The following SPC25 variants were observed in gnomAD, a reference collection of about 807,000 sequenced individuals.
SPC25 encodes the protein SPC25 component of NDC80 kinetochore complex.
A neutral mutation model predicts 29.6 loss-of-function variants in SPC25; 22 were observed. That is an observed-to-expected ratio of 0.74 (90% CI 0.53 to 1.06). The LOEUF is 1.06. Among genes scored for constraint, SPC25 ranks in the 50% least tolerant of loss-of-function variants. The probability of loss-of-function intolerance (pLI) is 0.00; values close to 1 mark genes in which losing one functional copy is unlikely to be tolerated. For missense variants in SPC25, 230 were observed against 255.8 expected, an observed-to-expected ratio of 0.90 and a Z score of 0.69; for synonymous variants, 91 against 90.4, an observed-to-expected ratio of 1.01 and a Z score of -0.04.
At chr2:168,877,098 C>T in intron 4 of SPC25, 140 bp downstream of exon 4, 1 of 793,664 alleles carries the variant, frequency 1.3e-6, no homozygotes, top group Non-Finnish European at 1.9e-6. Flanking sequence ...TGACATCTTG[C>T]AGAGATGAGT....
chr2:168,875,376 A>G (rs1394088594), intron 5 of SPC25, among the ~76,000 whole-genome samples: 4 of 152,218 alleles, frequency 2.6e-5, no homozygotes, highest in Admixed American at 6.6e-5. Context: ...TTGAACTATC[A>G]TAAGTCAGGG....
At chr2:168,870,104 G>A (rs28800777), downstream of SPC25, among the ~76,000 whole-genome samples, 44,627 of 149,952 alleles carry the variant, frequency 0.3, 7,057 homozygotes, top group East Asian at 0.55. Flanking sequence ...CAAGCAATGG[G>A]GAAAGGATTC....
intron 3 of SPC25, among the ~76,000 whole-genome samples, chr2:168,884,465 TAGA>T (rs1354380365): frequency 1.3e-5 from 2 of 152,246 alleles, no homozygotes; most frequent in Non-Finnish European, 1.5e-5. Flanking sequence ...AGTATCTTCC[TAGA>T]AGATTACCTG....
chr2:168,873,692 A>G lies in SPC25; in HGVS notation c.452-9T>C. 1.3e-6 allele frequency: 2 copies of G among 1,574,074 alleles called. No homozygotes were observed. The highest frequency in any genetic ancestry group is 1.7e-6 in the Non-Finnish European group (2 of 1,144,670). ...AAACTGCAATTTCTCACCTGAAAAGAGATTAAACTATTTAGTGTGTCAAAG... is the reference window on the plus strand; with the variant it reads ...AAACTGCAATTTCTCACCTGAAAAGGGATTAAACTATTTAGTGTGTCAAAG... On this transcript the variant is annotated splice_polypyrimidine_tract_variant and intron_variant, in intron 5 of 6. Transcript: ENST00000282074.
In SPC25 at chr2:168,876,117, C is replaced by T; in HGVS notation, c.406G>A (p.Asp136Asn). Reference protein sequence around the residue: ...ERLKRLQKSADLYKDRLGLEI... With the variant: ...ERLKRLQKSANLYKDRLGLEI... ...AGTCCAAGTCGATCTTTATACAAGT[C>T]TGCAGATTTCTGCAGCCTTTTCAAC... is the stretch of plus-strand genomic sequence containing the variant. Residue 136 changes from aspartate (D) to asparagine (N), a missense_variant, in exon 5 of 7, where the codon GAC becomes AAC. Physicochemically the swap from Asp to Asn is conservative, Grantham distance 23 (BLOSUM62 1). Transcript: ENST00000282074. 2 of 1,566,924 alleles carry T rather than the reference C, an allele frequency of 1.3e-6. No individual in the cohort carries two copies. Among genetic ancestry groups the T allele is most frequent in the Non-Finnish European group, 1.7e-6 (2 of 1,164,428 alleles).
In SPC25 at chr2:168,888,972, T is replaced by TATATATAC. The variant is rs572773262; in HGVS notation, c.199+253_199+254insGTATATAT. On this transcript the variant is annotated intron_variant, in intron 3 of 6. Transcript: ENST00000282074. ...GTGTGTGTGTGTATATATATATATA[T>TATATATAC]ACACACACACATATATATGTATATA... 4.6e-4 allele frequency among the ~76,000 whole-genome samples: 48 copies of TATATATAC among 103,256 alleles called. 2 individuals are homozygous for TATATATAC. The highest frequency in any genetic ancestry group is 1.6e-3 in the South Asian group (5 of 3,136). The allele number at this position is 103,256 out of a possible 152,430, so 67.7% of individuals were successfully genotyped here. A position where few individuals can be genotyped will look rare whatever the true frequency, so the allele number is the denominator to read the frequency against.
At chr2:168,863,919 T>A (rs1260782776) in intron 4 of SPC25, among the ~76,000 whole-genome samples, 1 of 150,226 alleles carries the variant, frequency 6.7e-6, no homozygotes, top group African/African-American at 2.4e-5. Context: ...CTTTTTTTAT[T>A]TTTTTTTTTG....
At chr2:168,876,510 A>G (rs1690089325) in intron 4 of SPC25, among the ~76,000 whole-genome samples, 1 of 152,018 alleles carries the variant, frequency 6.6e-6, no homozygotes, top group African/African-American at 2.4e-5. Flanking sequence ...TTTCTAGATA[A>G]CCAATTGCTT....
chr2:168,863,465 C>T (rs568811211), intron 4 of SPC25: 256 of 985,110 alleles, frequency 2.6e-4, no homozygotes, highest in Non-Finnish European at 2.8e-4. Flanking sequence ...TGGATCCTGA[C>T]GGGGGCAGAT....
downstream of SPC25, among the ~76,000 whole-genome samples, chr2:168,869,533 A>C (rs1689938542): frequency 6.6e-6 from 1 of 152,218 alleles, no homozygotes; most frequent in African/African-American, 2.4e-5. Flanking sequence ...ATCAATGTGC[A>C]AAAATCACAA....
At chr2:168,889,881 A>G (rs1690361465) in intron 1 of SPC25, among the ~76,000 whole-genome samples, 1 of 152,162 alleles carries the variant, frequency 6.6e-6, no homozygotes, top group Non-Finnish European at 1.5e-5. Context: ...GATCATCAGG[A>G]TAGCCAGGTG....
rs1314306486 is a variant in SPC25, at chr2:168,888,982, CATAT to C, written c.199+240_199+243del. Among the ~76,000 whole-genome samples, 71 of 118,848 alleles carry C rather than the reference CATAT, an allele frequency of 6.0e-4. 2 individuals are homozygous for C. Among genetic ancestry groups the C allele is most frequent in the African/African-American group, 2.5e-3 (68 of 27,388 alleles). The allele number at this position is 118,848 out of a possible 152,430, so 78.0% of individuals were successfully genotyped here. A position where few individuals can be genotyped will look rare whatever the true frequency, so the allele number is the denominator to read the frequency against. ...GTATATATATATATATACACACACA[CATAT>C]ATATGTATATATATACACATATATG... On this transcript the variant is annotated intron_variant, in intron 3 of 6. Coordinates refer to ENST00000282074, the MANE Select transcript of SPC25 (RefSeq NM_020675.4).
At chr2:168,879,011 C>A (rs1690131996) in intron 3 of SPC25, among the ~76,000 whole-genome samples, 1 of 152,174 alleles carries the variant, frequency 6.6e-6, no homozygotes, top group African/African-American at 2.4e-5. Context: ...AACAAATGTA[C>A]ATATCTTAAT....
At chr2:168,865,090 T>C in intron 4 of SPC25, 1 of 1,044,056 alleles carries the variant, frequency 9.6e-7, no homozygotes, top group Non-Finnish European at 1.4e-6. Context: ...GAGTTCTACC[T>C]GCATGTCACA....
chr2:168,871,590 AG>A, intron 6 of SPC25, 35 bp from the exon 7 acceptor site: 1 of 1,538,226 alleles, frequency 6.5e-7, no homozygotes, highest in South Asian at 1.3e-5. Flanking sequence ...AAAGACAATT[AG>A]AATGAGTTTT....
chr2:168,873,672 G>T lies in SPC25; in HGVS notation c.463C>A (p.Gln155Lys). The change falls in exon 6 of 7, where the codon CAG becomes AAG. Residue 155 changes from glutamine (Q) to lysine (K), a missense_variant. Physicochemically the swap from Gln to Lys is moderately conservative, Grantham distance 53. Coordinates refer to ENST00000282074, the MANE Select transcript of SPC25 (RefSeq NM_020675.4). Reference sequence around the variant, plus strand: ...GGGTCAATATTAGTGAAAATAAACTGCAATTTCTCACCTGAAAAGAGATTA... The same window carrying T: ...GGGTCAATATTAGTGAAAATAAACTTCAATTTCTCACCTGAAAAGAGATTA... ...EIRKIYGEKL[Q>K]FIFTNIDPKN... The T allele has an allele frequency of 6.2e-7, 1 of 1,608,194 alleles. No individual in the cohort carries two copies. Among genetic ancestry groups the T allele is most frequent in the Non-Finnish European group, 8.5e-7 (1 of 1,175,458 alleles).
chr2:168,878,658 C>T (rs983032790), intron 3 of SPC25, among the ~76,000 whole-genome samples: 4 of 152,098 alleles, frequency 2.6e-5, no homozygotes, highest in Non-Finnish European at 5.9e-5. Flanking sequence ...TACTGAAAAC[C>T]TATCAGAATT....
intron 4 of SPC25, among the ~76,000 whole-genome samples, chr2:168,864,632 T>G (rs1689738655): frequency 6.6e-6 from 1 of 152,226 alleles, no homozygotes; most frequent in South Asian, 2.1e-4. Flanking sequence ...AGTTGTTCAT[T>G]ATCTTACTCT....
At chr2:168,867,599 A>C (rs1360927101), downstream of SPC25, among the ~76,000 whole-genome samples, 1 of 152,288 alleles carries the variant, frequency 6.6e-6, no homozygotes, top group East Asian at 1.9e-4. Context: ...GTCTCGAATA[A>C]AACAGACTTT....
Sources: gnomAD v4.1 joint callset for allele counts (sites outside exome capture counted in the v4.1 genomes callset) on GRCh38, gnomAD v4.1.1 for gene constraint, MANE v1.5 for transcripts, NCBI Gene and HGNC (gene_info 2026-07-23, HGNC 2026-07-21) for gene names.